Variants in TIAM1 observed in about 807,000 individuals in gnomAD.
The protein encoded by TIAM1 is TIAM Rac1 associated GEF 1, also known as rho guanine nucleotide exchange factor TIAM1.
Under a neutral mutation model 163.5 loss-of-function variants are expected in TIAM1, and 65 were observed. The observed-to-expected ratio is 0.40, with a 90% confidence interval of 0.33 to 0.49. The LOEUF is 0.49. TIAM1 is among the 20% of genes least tolerant of loss of function. The probability of loss-of-function intolerance (pLI) is 0.77; values close to 1 mark genes in which losing one functional copy is unlikely to be tolerated. For missense variants in TIAM1, 1,789 were observed against 2,044.7 expected (o/e 0.87, Z 2.41); for synonymous variants, 833 against 810.1 (o/e 1.03, Z -0.48).
At chr21:31,413,657 T>C (rs532926981) in intron 2 of TIAM1, among the ~76,000 whole-genome samples, 71 of 152,316 alleles carry the variant, frequency 4.7e-4, no homozygotes, top group African/African-American at 1.4e-3. Context: ...ATTAAATTGA[T>C]TATCATTCTG....
chr21:31,345,588 T>C (rs566818066), upstream of TIAM1, among the ~76,000 whole-genome samples: 9 of 152,236 alleles, frequency 5.9e-5, no homozygotes, highest in East Asian at 1.2e-3. Flanking sequence ...AAGGCTGGTA[T>C]AGCAGAAAAT....
chr21:31,302,096 C>T (rs181108404), intron 2 of TIAM1, among the ~76,000 whole-genome samples: 310 of 151,856 alleles, frequency 2.0e-3, no homozygotes, highest in African/African-American at 7.1e-3. Flanking sequence ...ATTTAAATTA[C>T]AGGGCCAGCC....
chr21:31,474,145 G>C lies in TIAM1; in HGVS notation c.-421-10110C>G, dbSNP rs2284524. On this transcript the variant is annotated intron_variant, in intron 1 of 28. Transcript: ENST00000286827. ...GAGTGAGAGCTCACTCATCACCATG[G>C]GGATGGCACCAAGCCGTCTGTGAGG... 7.4e-4 allele frequency among the ~76,000 whole-genome samples: 112 copies of C among 152,244 alleles called. 2 individuals carry two copies. The East Asian group carries it at 0.019, about 26-fold the overall frequency.
chr21:31,522,544 TAATA>T lies in TIAM1; in HGVS notation c.-422+36379_-422+36382del, dbSNP rs536871123. 7.1e-4 allele frequency among the ~76,000 whole-genome samples: 108 copies of T among 151,284 alleles called. 1 individual carries two copies. Among genetic ancestry groups the T allele is most frequent in the African/African-American group, 2.5e-3 (102 of 41,188 alleles). On this transcript the variant is annotated intron_variant, in intron 1 of 28. Coordinates refer to the TIAM1 transcript ENST00000286827. ...AAACAAAAACAAAAACAAAAAATAA[TAATA>T]ATTAATCATGTCCCCACCATGAAAC...
chr21:31,346,589 G>A (rs2076151939), upstream of TIAM1, among the ~76,000 whole-genome samples: 1 of 152,200 alleles, frequency 6.6e-6, no homozygotes. Context: ...CCGACATGGT[G>A]TGCAGCGAGA....
At position 31,153,897 on chromosome 21, in the gene TIAM1, C is replaced by CAAAA. The variant is rs58362576; in HGVS notation, c.3171+346_3171+349dup. ...GCAACATGGTGAAACCTCCTCTCTA[C>CAAAA]AAAAAAAAACAGAAAACGGGGCTGG... On this transcript the variant is annotated intron_variant, in intron 17 of 27. Coordinates refer to ENST00000541036, the MANE Select transcript of TIAM1 (RefSeq NM_001353694.2). 7.8e-3 allele frequency among the ~76,000 whole-genome samples: 1,169 copies of CAAAA among 149,708 alleles called. 23 individuals carry two copies. Among genetic ancestry groups the CAAAA allele is most frequent in the African/African-American group, 0.025 (1,029 of 40,748 alleles).
At chr21:31,195,387 T>C in intron 12 of TIAM1, 82 bp from the exon 13 acceptor site, 1 of 994,552 alleles carries the variant, frequency 1.0e-6, no homozygotes, top group Non-Finnish European at 1.5e-6. Flanking sequence ...AAATCTATTT[T>C]TTCACAATTG....
intron 6 of TIAM1, among the ~76,000 whole-genome samples, chr21:31,228,245 A>AATAATCTGATAAGGATTTTTCCTTT (rs1555897901): frequency 0.016 from 1,072 of 67,128 alleles, 125 homozygotes; most frequent in South Asian, 0.042. Flanking sequence ...AAAAAAAAAA[A>AATAATCTGATAAGGATTTTTCCTTT]AAAAAAAAAA....
intron 2 of TIAM1, among the ~76,000 whole-genome samples, chr21:31,280,568 G>A (rs1204375594): frequency 6.6e-6 from 1 of 152,132 alleles, no homozygotes; most frequent in Admixed American, 6.6e-5. Flanking sequence ...TCTGTGTCAT[G>A]TGTCAAATAA....
chr21:31,522,297 A>T (rs1002965383), intron 1 of TIAM1, among the ~76,000 whole-genome samples: 1 of 151,708 alleles, frequency 6.6e-6, no homozygotes, highest in African/African-American at 2.4e-5. Context: ...ACCTGAGGTC[A>T]AAAGTTCGAG....
At chr21:31,468,014 A>G (rs13046831) in intron 1 of TIAM1, among the ~76,000 whole-genome samples, 14,111 of 148,870 alleles carry the variant, frequency 0.095, 903 homozygotes, top group East Asian at 0.14. Context: ...TGAACCTGGG[A>G]GGTGGAGGTT....
At chr21:31,228,228 A>ATT (rs2088127583) in intron 6 of TIAM1, among the ~76,000 whole-genome samples, 1 of 26,724 alleles carries the variant, frequency 3.7e-5, no homozygotes, top group Non-Finnish European at 6.9e-5. Flanking sequence ...TTTAAAAAAA[A>ATT]AAAAAAAAAA....
intron 9 of TIAM1, among the ~76,000 whole-genome samples, chr21:31,216,855 A>G (rs2087242476): frequency 6.6e-6 from 1 of 152,204 alleles, no homozygotes; most frequent in African/African-American, 2.4e-5. Context: ...AGTCAAGGGC[A>G]GAGAATAATC....
intron 2 of TIAM1, among the ~76,000 whole-genome samples, chr21:31,324,657 C>G (rs1427745050): frequency 1.3e-5 from 2 of 152,176 alleles, no homozygotes; most frequent in Non-Finnish European, 2.9e-5. Flanking sequence ...ACCTTTCAGA[C>G]AGCTGCCTCT....
At chr21:31,234,361 G>GGGAAGGAA (rs200809021) in intron 6 of TIAM1, among the ~76,000 whole-genome samples, 1 of 136,090 alleles carries the variant, frequency 7.3e-6, no homozygotes, top group Non-Finnish European at 1.5e-5. Context: ...AGAGGAGGTG[G>GGGAAGGAA]GGAAGGAAGG....
intron 20 of TIAM1, among the ~76,000 whole-genome samples, chr21:31,142,490 G>A (rs1160419988): frequency 1.4e-5 from 2 of 141,074 alleles, no homozygotes; most frequent in Admixed American, 7.1e-5. Flanking sequence ...AAAAAAGCCA[G>A]GCTGGTGGCA....
rs143687648 is a variant in TIAM1, at chr21:31,254,654, T to C, written c.964-2465A>G. Among the ~76,000 whole-genome samples, 792 of 152,232 alleles carry C rather than the reference T, an allele frequency of 5.2e-3. 6 individuals are homozygous for C. The highest frequency in any genetic ancestry group is 0.018 in the African/African-American group (741 of 41,530). ...AGTGGAGGTTGCAGTGAGCCAAGAC[T>C]GCACCACTGCACTCCAGCCTGGGCA... is the stretch of plus-strand genomic sequence containing the variant. On this transcript the variant is annotated intron_variant, in intron 4 of 27. Coordinates refer to ENST00000541036, the MANE Select transcript of TIAM1 (RefSeq NM_001353694.2).
intron 1 of TIAM1, among the ~76,000 whole-genome samples, chr21:31,558,335 G>A (rs1569433550): frequency 6.6e-6 from 1 of 152,098 alleles, no homozygotes; most frequent in Non-Finnish European, 1.5e-5. Context: ...CCCTCCGGGG[G>A]TTCGTCGCGG....
rs143907152 is a variant in TIAM1, at chr21:31,529,228, T to C, written c.-422+29699A>G. On this transcript the variant is annotated intron_variant, in intron 1 of 28. Transcript: ENST00000286827. ...GCCACCGCGCCCAGCCGAAATGTCT[T>C]TTTATTCTTTCAAACAGATACTTGA... is the stretch of plus-strand genomic sequence containing the variant. Among the ~76,000 whole-genome samples the C allele has an allele frequency of 9.2e-5, 14 of 152,170 alleles. No homozygotes were observed. The East Asian group carries it at 2.7e-3, about 29-fold the overall frequency.
Sources: gnomAD v4.1 joint callset for allele counts (sites outside exome capture counted in the v4.1 genomes callset) on GRCh38, gnomAD v4.1.1 for gene constraint, MANE v1.5 for transcripts, NCBI Gene and HGNC (gene_info 2026-07-23, HGNC 2026-07-21) for gene names.